Variants in PRRC2B observed in about 807,000 individuals in gnomAD.
PRRC2B encodes the protein protein PRRC2B.
In PRRC2B, 68 loss-of-function variants were observed where a neutral mutation model predicts 242.3. That is an observed-to-expected ratio of 0.28 (90% CI 0.23 to 0.34). The LOEUF is 0.34. Ranked by LOEUF, PRRC2B falls within the 10% of genes least tolerant of loss-of-function variation. The probability of loss-of-function intolerance (pLI) is 1.00; values close to 1 mark genes in which losing one functional copy is unlikely to be tolerated. For missense variants in PRRC2B, 2,835 were observed against 2,954.8 expected, an observed-to-expected ratio of 0.96 and a Z score of 0.94; for synonymous variants, 1,228 against 1,173.6, an observed-to-expected ratio of 1.05 and a Z score of -0.95.
rs140657492 is a variant in PRRC2B, at chr9:131,432,907, C to G, written c.293+113C>G. ...TTTGGCTACTGCAGCGCTAGTCTTG[C>G]AGTGGCAGAATTGGAACACTGGGAG... On this transcript the variant is annotated intron_variant, in intron 3 of 31. Transcript: ENST00000683519. The G allele has an allele frequency of 4.0e-4, 421 of 1,046,650 alleles. 2 individuals are homozygous for G. In the African/African-American group the frequency reaches 6.1e-3, roughly 15 times the overall value. The allele number at this position is 1,046,650 out of a possible 1,614,324, so 64.8% of individuals were successfully genotyped here.
rs769544829 is a variant in PRRC2B, at chr9:131,470,848, C to T, written c.1972C>T (p.Arg658Cys). 63 of 1,610,470 alleles carry T rather than the reference C, an allele frequency of 3.9e-5. No individual in the cohort carries two copies. Among genetic ancestry groups the T allele is most frequent in the Admixed American group, 1.3e-4 (8 of 59,842 alleles). The change falls in exon 14 of 32, where the codon CGC (arginine) becomes TGC (cysteine). Residue 658 changes from arginine (R) to cysteine (C), a missense_variant. Arg to Cys is a radical substitution (Grantham distance 180, BLOSUM62 -3). Transcript: ENST00000683519. ...GTACCCCCCGCCGTCCCACCCCCAG[C>T]GCACCTTTTACCCACACCACCCCCA... ...PVYPPPSHPQ[R>C]TFYPHHPQML...
intron 1 of PRRC2B, among the ~76,000 whole-genome samples, chr9:131,408,122 T>A (rs921706599): frequency 6.6e-6 from 1 of 152,144 alleles, no homozygotes; most frequent in South Asian, 2.1e-4. Context: ...ATGGGGTTGT[T>A]GTAAGTAGGC....
Position 131,467,647 on chromosome 9 carries a change from A to G in PRRC2B, c.1805A>G (p.Asn602Ser). The G allele has an allele frequency of 9.3e-6, 15 of 1,613,978 alleles. No homozygotes were observed. The highest frequency in any genetic ancestry group is 1.3e-5 in the Non-Finnish European group (15 of 1,179,880). Residue 602 changes from asparagine to serine, a missense_variant, in exon 13 of 32, where the codon AAC (asparagine) becomes AGC (serine). By Grantham distance (46) the Asn-to-Ser change is conservative (BLOSUM62 1). Transcript: ENST00000683519. ...PTVSPAVAQS[N>S]SSEEEAREAG... ...GTGTCCCCAGCAGTGGCACAGAGCA[A>G]CAGCAGTGAGGAAGAGGCCAGAGAG...
At chr9:131,408,924 G>A (rs1277812514) in intron 1 of PRRC2B, among the ~76,000 whole-genome samples, 1 of 151,826 alleles carries the variant, frequency 6.6e-6, no homozygotes, top group African/African-American at 2.4e-5. Context: ...TCTCCATGTT[G>A]GTCAGGCTGG....
At chr9:131,389,103 A>G (rs1179717308), upstream of PRRC2B, among the ~76,000 whole-genome samples, 1 of 149,344 alleles carries the variant, frequency 6.7e-6, no homozygotes, top group Non-Finnish European at 1.5e-5. Context: ...TGGCCTCCCA[A>G]AGTGCTGGGA....
At chr9:131,394,000 G>A (rs1836962908), upstream of PRRC2B, 1 of 151,074 alleles carries the variant, frequency 6.6e-6, no homozygotes, top group Non-Finnish European at 1.5e-5. Context: ...GGCCCAGGTT[G>A]CGGGCGGCGG....
At position 131,446,379 on chromosome 9, in the gene PRRC2B, T is replaced by C. The variant is rs1388192936; in HGVS notation, c.614-22T>C. The C allele has an allele frequency of 2.5e-6, 4 of 1,612,840 alleles. No individual in the cohort carries two copies. In the South Asian group the frequency reaches 3.3e-5, roughly 13 times the overall value. ...TTCCCCCTCCTCTTCCCTCTCCCCT[T>C]TTGCCCCCTTTCAATTTCCAGATGT... is the stretch of plus-strand genomic sequence containing the variant. On this transcript the variant is annotated intron_variant, in intron 6 of 31. Transcript: ENST00000683519. The surrounding 1 kb of genome is among the most constrained non-coding windows in gnomAD (Gnocchi z 4.1).
chr9:131,418,238 G>A (rs1030927627), intron 1 of PRRC2B, among the ~76,000 whole-genome samples: 1 of 152,248 alleles, frequency 6.6e-6, no homozygotes, highest in African/African-American at 2.4e-5. Context: ...CTTTGTCACT[G>A]AGAAAACAGT....
chr9:131,420,479 T>TCTTTCTCTCTTTCTCTCTTTCTC (rs1837789387), intron 1 of PRRC2B, among the ~76,000 whole-genome samples: 1 of 22,546 alleles, frequency 4.4e-5, no homozygotes, highest in African/African-American at 1.3e-4. Context: ...CTTTCTTTCT[T>TCTTTCTCTCTTTCTCTCTTTCTC]TCTTTCTTTC....
chr9:131,482,523 C>T lies in PRRC2B; in HGVS notation c.5136C>T (p.Asp1712=), dbSNP rs1454068844. The change falls in exon 21 of 32, where the codon GAC becomes GAT. Residue 1712 remains aspartate (D), a synonymous_variant. Coordinates refer to ENST00000683519, the MANE Select transcript of PRRC2B (RefSeq NM_013318.4). The surrounding 1 kb of genome is among the most constrained non-coding windows in gnomAD (Gnocchi z 5.2). The part of the protein sequence containing the change: ...SGPGLAEPKA[D]SHKEQAPKPS... ...CCGGCCTGGCGGAACCCAAGGCCGA[C>T]AGCCACAAGGAGCAGGCTCCAAAGC... 2 of 1,609,756 alleles carry T rather than the reference C, an allele frequency of 1.2e-6. No individual in the cohort carries two copies. Among genetic ancestry groups the T allele is most frequent in the Admixed American group, 1.7e-5 (1 of 59,792 alleles).
At chr9:131,455,210 T>G in intron 10 of PRRC2B, 44 bp downstream of exon 10, 1 of 1,365,766 alleles carries the variant, frequency 7.3e-7, no homozygotes, top group Non-Finnish European at 1.0e-6. Flanking sequence ...GCATCCCTGC[T>G]TAGTGTTGTT....
At chr9:131,439,827 G>A (rs148811463) in intron 5 of PRRC2B, among the ~76,000 whole-genome samples, 189 of 152,058 alleles carry the variant, frequency 1.2e-3, no homozygotes, top group African/African-American at 4.4e-3. Context: ...TCGATCTCCC[G>A]GGCTCAAGCA....
intron 1 of PRRC2B, among the ~76,000 whole-genome samples, chr9:131,397,344 A>T (rs1217031530): frequency 6.6e-6 from 1 of 152,230 alleles, no homozygotes; most frequent in African/African-American, 2.4e-5. Flanking sequence ...CCAAATAGGT[A>T]AAAAGAAAGC....
At position 131,447,167 on chromosome 9, in the gene PRRC2B, G is replaced by A. The variant is rs777590873; in HGVS notation, c.938G>A (p.Arg313Gln). Reference sequence around the variant, plus strand: ...CTTCCTCAGCTCCGCCTTGAACCTCGAGTTCCTTTTAGACAGTTCCAGATG... The same window carrying A: ...CTTCCTCAGCTCCGCCTTGAACCTCAAGTTCCTTTTAGACAGTTCCAGATG... ...FPLPQLRLEP[R>Q]VPFRQFQMND... Residue 313 changes from arginine to glutamine, a missense_variant, in exon 8 of 32, where the codon CGA (arginine) becomes CAA (glutamine). Transcript: ENST00000683519. 3.7e-6 allele frequency: 6 copies of A among 1,613,858 alleles called. No individual in the cohort carries two copies. The African/African-American group carries it at 5.3e-5, about 14-fold the overall frequency.
upstream of PRRC2B, among the ~76,000 whole-genome samples, chr9:131,390,791 T>C (rs1296848686): frequency 2.9e-5 from 4 of 136,006 alleles, no homozygotes; most frequent in Non-Finnish European, 6.3e-5. Flanking sequence ...CTTTTTTTTT[T>C]TTTTTTTTTT....
At chr9:131,478,450 C>T (rs1000184818) in intron 17 of PRRC2B, 24 bp from the exon 18 acceptor site, 2 of 1,610,680 alleles carry the variant, frequency 1.2e-6, no homozygotes, top group African/African-American at 1.3e-5. Flanking sequence ...AAAGACTGTT[C>T]CTTCTCGTGA....
At chr9:131,491,691 G>T in intron 29 of PRRC2B, 111 bp downstream of exon 29, 1 of 1,061,218 alleles carries the variant, frequency 9.4e-7, no homozygotes, top group Non-Finnish European at 1.3e-6. Flanking sequence ...GCGTGGGACT[G>T]CCAGGGCAGA....
At chr9:131,375,265 G>A (rs987152689) in intron 1 of PRRC2B, among the ~76,000 whole-genome samples, 1 of 152,120 alleles carries the variant, frequency 6.6e-6, no homozygotes, top group Non-Finnish European at 1.5e-5. Flanking sequence ...CGGGCATGGT[G>A]GTGCATACCT....
Position 131,437,290 on chromosome 9 carries a change from A to G in PRRC2B, c.396+568A>G, listed in dbSNP as rs564247450. 5.3e-5 allele frequency among the ~76,000 whole-genome samples: 8 copies of G among 152,316 alleles called. No individual in the cohort carries two copies. The South Asian group carries it at 1.7e-3, about 32-fold the overall frequency. ...ATTTCTTTACCGAATGTCTCTAGGG[A>G]CTAATGTCTCTCAGAACACGCTTTG... On this transcript the variant is annotated intron_variant, in intron 4 of 31. Coordinates refer to ENST00000683519, the MANE Select transcript of PRRC2B (RefSeq NM_013318.4).
Sources: gnomAD v4.1 joint callset for allele counts (sites outside exome capture counted in the v4.1 genomes callset) on GRCh38, gnomAD v4.1.1 for gene constraint, Gnocchi (gnomAD v3.1) non-coding constraint, MANE v1.5 for transcripts, NCBI Gene and HGNC (gene_info 2026-07-23, HGNC 2026-07-21) for gene names.